SYN2: variants seen among roughly 807,000 people sequenced by gnomAD.
SYN2 encodes synapsin-2.
In SYN2, 19 loss-of-function variants were observed where a neutral mutation model predicts 50.9. The ratio of observed to expected loss-of-function variants is 0.37; its 90% CI spans 0.26 to 0.55. The LOEUF is 0.55. SYN2 is among the 20% of genes least tolerant of loss of function. The pLI is 0.81. For missense variants in SYN2, 587 were observed against 576.4 expected (o/e 1.02, Z -0.19); for synonymous variants, 255 against 224.9 (o/e 1.13, Z -1.20).
At chr3:12,154,398 G>A (rs1697394046) in intron 5 of SYN2, 5 of 1,614,046 alleles carry the variant, frequency 3.1e-6, no homozygotes, top group Non-Finnish European at 4.2e-6. Flanking sequence ...TCCTCCCAGG[G>A]CTCGATGTAG....
At chr3:12,159,063 G>T in intron 5 of SYN2, 2 of 572,274 alleles carry the variant, frequency 3.5e-6, no homozygotes, top group Non-Finnish European at 2.9e-6. Context: ...GCAGAGGGAA[G>T]CCTGGAAGGA....
chr3:12,094,473 C>T (rs1354254260), intron 1 of SYN2, among the ~76,000 whole-genome samples: 2 of 152,196 alleles, frequency 1.3e-5, no homozygotes, highest in Non-Finnish European at 2.9e-5. Context: ...GACTTGGCCT[C>T]AGAAAGGCTA....
At chr3:12,185,257 A>G in intron 11 of SYN2, 1 of 985,774 alleles carries the variant, frequency 1.0e-6, no homozygotes, top group Non-Finnish European at 1.2e-6. Flanking sequence ...GGAGGAATAC[A>G]TTATTTTATC....
chr3:12,173,682 G>A (rs533773264), intron 10 of SYN2, among the ~76,000 whole-genome samples: 13 of 152,260 alleles, frequency 8.5e-5, no homozygotes, highest in East Asian at 1.9e-4. Context: ...TTAGGAGGCC[G>A]AGGCAGGTAG....
chr3:12,189,756 C>T (rs1395794421), intron 12 of SYN2, among the ~76,000 whole-genome samples: 1 of 151,896 alleles, frequency 6.6e-6, no homozygotes, highest in Non-Finnish European at 1.5e-5. Flanking sequence ...GAGCAGAGAT[C>T]GCACCACTGC....
intron 1 of SYN2, among the ~76,000 whole-genome samples, chr3:12,133,321 G>T (rs1042535813): frequency 1.3e-5 from 2 of 152,126 alleles, no homozygotes; most frequent in African/African-American, 4.8e-5. Flanking sequence ...ATCCATAACA[G>T]AAATTTCTCC....
At chr3:12,054,246 C>T (rs1694939567) in intron 1 of SYN2, among the ~76,000 whole-genome samples, 3 of 152,150 alleles carry the variant, frequency 2.0e-5, no homozygotes, top group African/African-American at 7.2e-5. Flanking sequence ...TATGTTCTGT[C>T]TCCCACTGGT....
chr3:12,071,439 A>G, intron 1 of SYN2: 1 of 515,558 alleles, frequency 1.9e-6, no homozygotes, highest in South Asian at 1.5e-5. Context: ...GCAAATGCAT[A>G]CACTTCATGC....
chr3:12,008,429 T>C (rs1285814578), intron 1 of SYN2, among the ~76,000 whole-genome samples: 1 of 152,050 alleles, frequency 6.6e-6, no homozygotes, highest in Non-Finnish European at 1.5e-5. Flanking sequence ...TGAAAAAAAA[T>C]TTACTAAAAA....
intron 1 of SYN2, among the ~76,000 whole-genome samples, chr3:12,098,639 G>A (rs1695997255): frequency 6.6e-6 from 1 of 151,776 alleles, no homozygotes; most frequent in Non-Finnish European, 1.5e-5. Flanking sequence ...GAGATTAATG[G>A]AGGAATAGGG....
rs537912453 is a variant in SYN2, at chr3:12,021,470, A to G, written c.377+16542A>G. Among the ~76,000 whole-genome samples the G allele has an allele frequency of 9.9e-5, 15 of 152,262 alleles. No homozygotes were observed. The South Asian group carries it at 2.5e-3, about 25-fold the overall frequency. ...CAGGTAAGATTAAATGTTTTCCCCA[A>G]TGTTTGTTTAAAAATATGTGAAATG... On this transcript the variant is annotated intron_variant, in intron 1 of 12. Coordinates refer to ENST00000621198, the MANE Select transcript of SYN2 (RefSeq NM_133625.6).
intron 1 of SYN2, among the ~76,000 whole-genome samples, chr3:12,111,146 A>G (rs1290329313): frequency 1.3e-5 from 2 of 152,144 alleles, no homozygotes; most frequent in Non-Finnish European, 1.5e-5. Flanking sequence ...AGGGGGGCAG[A>G]TCTTTCCTGT....
intron 1 of SYN2, among the ~76,000 whole-genome samples, chr3:12,010,208 A>T (rs1037202484): frequency 6.6e-6 from 1 of 152,202 alleles, no homozygotes; most frequent in Non-Finnish European, 1.5e-5. Context: ...CCTTCCCTTC[A>T]GGAACCCATT....
intron 1 of SYN2, among the ~76,000 whole-genome samples, chr3:12,083,541 T>A (rs12233399): frequency 0.093 from 14,161 of 152,284 alleles, 787 homozygotes; most frequent in East Asian, 0.18. Flanking sequence ...AGTTTCTCCT[T>A]AGACTTGGAA....
At chr3:12,012,941 T>C (rs1409287554) in intron 1 of SYN2, among the ~76,000 whole-genome samples, 5 of 152,344 alleles carry the variant, frequency 3.3e-5, no homozygotes, top group South Asian at 2.1e-4. Flanking sequence ...TCGTTACTTA[T>C]CCAGTTATTT....
chr3:12,050,561 G>A (rs1204525344), intron 1 of SYN2, among the ~76,000 whole-genome samples: 1 of 150,650 alleles, frequency 6.6e-6, no homozygotes, highest in Non-Finnish European at 1.5e-5. Flanking sequence ...GGCTAGGCTG[G>A]TCTTGCACTC....
chr3:12,189,417 A>G (rs73813146), intron 12 of SYN2, among the ~76,000 whole-genome samples: 1 of 152,166 alleles, frequency 6.6e-6, no homozygotes, highest in African/African-American at 2.4e-5. Flanking sequence ...AAGGCCTGAT[A>G]TATATCTCTT....
intron 1 of SYN2, among the ~76,000 whole-genome samples, chr3:12,073,342 C>T (rs771443598): frequency 6.6e-6 from 1 of 152,182 alleles, no homozygotes; most frequent in Non-Finnish European, 1.5e-5. Flanking sequence ...GGCCTAAGTG[C>T]TTCTTAAAAA....
chr3:12,147,618 G>A (rs1439849126), intron 4 of SYN2, among the ~76,000 whole-genome samples: 3 of 152,066 alleles, frequency 2.0e-5, no homozygotes, highest in Non-Finnish European at 4.4e-5. Flanking sequence ...TGCACCCCCG[G>A]TACTTGTCAG....
Sources: allele counts gnomAD v4.1 joint callset (sites outside exome capture counted in the v4.1 genomes callset), GRCh38; gene constraint gnomAD v4.1.1; transcripts MANE v1.5; gene names NCBI Gene and HGNC (gene_info 2026-07-23, HGNC 2026-07-21).